MYO15A: variants seen among roughly 807,000 people sequenced by gnomAD.
The protein encoded by MYO15A is myosin XVA, also known as unconventional myosin-XV.
Under a neutral mutation model 394.6 loss-of-function variants are expected in MYO15A, and 308 were observed. That is an observed-to-expected ratio of 0.78 (90% CI 0.71 to 0.86). MYO15A has a LOEUF of 0.86. Among genes scored for constraint, MYO15A ranks in the 40% least tolerant of loss-of-function variants. The pLI, the probability that MYO15A is intolerant of heterozygous loss-of-function variation, is 0.00. For missense variants in MYO15A, 4,606 were observed against 4,799.1 expected (o/e 0.96, Z 1.19); for synonymous variants, 1,957 against 2,003.8 (o/e 0.98, Z 0.62).
At chr17:18,128,884 G>T (rs2046101834) in intron 7 of MYO15A, among the ~76,000 whole-genome samples, 1 of 152,054 alleles carries the variant, frequency 6.6e-6, no homozygotes, top group Admixed American at 6.6e-5. Flanking sequence ...CTGGGAGTTT[G>T]TGTGTGCCAG....
At chr17:18,137,756 C>G in intron 16 of MYO15A, 77 bp downstream of exon 16, 2 of 1,490,004 alleles carry the variant, frequency 1.3e-6, no homozygotes, top group Non-Finnish European at 1.9e-6. Flanking sequence ...TGAGGATATA[C>G]TGGTTGTTTA....
At chr17:18,112,619 G>C (rs1397035454) in intron 1 of MYO15A, among the ~76,000 whole-genome samples, 2 of 152,176 alleles carry the variant, frequency 1.3e-5, no homozygotes, top group South Asian at 2.1e-4. Flanking sequence ...TATTGTCTGG[G>C]CTGGTCTTGA....
Position 18,117,330 on chromosome 17 carries a change from C to T in MYO15A, c.-219-1252C>T, listed in dbSNP as rs114515905. Among the ~76,000 whole-genome samples the T allele has an allele frequency of 0.011, 1,677 of 152,336 alleles. 28 individuals are homozygous for T. The highest frequency in any genetic ancestry group is 0.038 in the African/African-American group (1,593 of 41,570). On this transcript the variant is annotated intron_variant, in intron 1 of 65. Transcript: ENST00000647165. This position sits in a 1 kb window ranked among gnomAD's most constrained non-coding sequence, Gnocchi z 4.1. ...CTTGCTGCATGGTCCCCTCTCTGCT[C>T]CTGCCACTTACCTGGGAAGGCCTCA... is the stretch of plus-strand genomic sequence containing the variant.
intron 16 of MYO15A, 164 bp from the exon 17 acceptor site, chr17:18,137,951 T>G: frequency 9.7e-7 from 1 of 1,031,360 alleles, no homozygotes; most frequent in Non-Finnish European, 1.4e-6. Flanking sequence ...AGCAGGACCC[T>G]GAGTTGGCTC....
intron 1 of MYO15A, among the ~76,000 whole-genome samples, chr17:18,114,850 C>T (rs994493172): frequency 1.3e-5 from 2 of 152,106 alleles, no homozygotes; most frequent in African/African-American, 2.4e-5. Flanking sequence ...TGCAGCCCTG[C>T]GGCTCATTCC....
At chr17:18,152,809 C>G (rs1438922146) in intron 42 of MYO15A, among the ~76,000 whole-genome samples, 1 of 152,178 alleles carries the variant, frequency 6.6e-6, no homozygotes, top group Non-Finnish European at 1.5e-5. Flanking sequence ...CTAGAATGCT[C>G]TTCCCCAAGA....
intron 25 of MYO15A, 132 bp from the exon 26 acceptor site, chr17:18,143,434 C>T (rs2046417312): frequency 3.9e-6 from 4 of 1,031,822 alleles, no homozygotes. Context: ...GTGGGGCAGT[C>T]ACCTCCACAC....
At chr17:18,122,628 G>A (rs759556538) in intron 2 of MYO15A, 5 of 657,284 alleles carry the variant, frequency 7.6e-6, no homozygotes, top group Non-Finnish European at 1.2e-5. Flanking sequence ...GGACAGAGAC[G>A]TGGGAAACTG....
Position 18,141,698 on chromosome 17 carries a change from G to A in MYO15A, c.5577G>A (p.Gly1859=). The A allele has an allele frequency of 6.2e-7, 1 of 1,614,066 alleles. No individual in the cohort carries two copies. Among genetic ancestry groups the A allele is most frequent in the Non-Finnish European group, 8.5e-7 (1 of 1,180,024 alleles). The change falls in exon 23 of 66, where the codon GGG becomes GGA. Residue 1859 remains glycine, a synonymous_variant. Coordinates refer to ENST00000647165, the MANE Select transcript of MYO15A (RefSeq NM_016239.4). Reference sequence around the variant, plus strand: ...TCAAGCATGACCTGCCGGCTAATGGGGACATGTGTGTGTCAGTGCTGAGTC... The same window carrying A: ...TCAAGCATGACCTGCCGGCTAATGGAGACATGTGTGTGTCAGTGCTGAGTC... The part of the protein sequence containing the change: ...VALKHDLPAN[G]DMCVSVLSRL...
chr17:18,165,003 G>GT (rs1310383006), intron 60 of MYO15A: 2 of 151,340 alleles, frequency 1.3e-5, no homozygotes, highest in Non-Finnish European at 2.9e-5. Context: ...GCCAGGCATG[G>GT]TGACGTTTGC....
intron 25 of MYO15A, among the ~76,000 whole-genome samples, chr17:18,143,096 T>G (rs1041594818): frequency 6.6e-6 from 1 of 152,216 alleles, no homozygotes; most frequent in Non-Finnish European, 1.5e-5. Context: ...TCTTCGGGAA[T>G]TGAGGGCCAT....
chr17:18,173,785 T>A lies in MYO15A; in HGVS notation c.10355T>A (p.Leu3452Ter). ...LNFLSTETHE[L>*]MVKFPLKEIQ... is the part of the protein sequence containing the mutation. ...CCCCTCTCCTCCTACTCCCAGGAAT[T>A]GATGGTGAAGTTCCCCCTGAAGGAG... The change falls in exon 65 of 66, where the codon TTG becomes TAG. Residue 3452 changes from leucine (L) to a stop codon, truncating the protein, a stop_gained. Coordinates refer to ENST00000647165, the MANE Select transcript of MYO15A (RefSeq NM_016239.4). LOFTEE classifies it high-confidence loss of function. The A allele has an allele frequency of 6.2e-7, 1 of 1,613,916 alleles. No individual in the cohort carries two copies. Among genetic ancestry groups the A allele is most frequent in the Non-Finnish European group, 8.5e-7 (1 of 1,180,030 alleles).
intron 65 of MYO15A, among the ~76,000 whole-genome samples, chr17:18,174,416 CAGA>C (rs1332260856): frequency 6.6e-6 from 1 of 151,918 alleles, no homozygotes; most frequent in Non-Finnish European, 1.5e-5. Flanking sequence ...CACTTGAGCC[CAGA>C]AGTTTGAGAC....
chr17:18,148,650 C>T lies in MYO15A; in HGVS notation c.6764+82C>T. Reference sequence around the variant, plus strand: ...GGAGGTCAGATCCCCCAGAGGGTCCCATAGGGTCCATTCTGTTCATGTTTA... The same window carrying T: ...GGAGGTCAGATCCCCCAGAGGGTCCTATAGGGTCCATTCTGTTCATGTTTA... On this transcript the variant is annotated intron_variant, in intron 32 of 65. Coordinates refer to ENST00000647165, the MANE Select transcript of MYO15A (RefSeq NM_016239.4). This position sits in a 1 kb window ranked among gnomAD's most constrained non-coding sequence, Gnocchi z 4.8. 6.5e-7 allele frequency: 1 copy of T among 1,546,156 alleles called. No homozygotes were observed. The highest frequency in any genetic ancestry group is 8.7e-7 in the Non-Finnish European group (1 of 1,143,158).
At chr17:18,167,301 T>C (rs1479614035) in intron 61 of MYO15A, among the ~76,000 whole-genome samples, 1 of 152,200 alleles carries the variant, frequency 6.6e-6, no homozygotes, top group Non-Finnish European at 1.5e-5. Context: ...GCAGGCCTGA[T>C]AGATACATGT....
At chr17:18,158,845 T>G in intron 52 of MYO15A, 80 bp from the exon 53 acceptor site, 1 of 1,522,254 alleles carries the variant, frequency 6.6e-7, no homozygotes, top group Non-Finnish European at 9.1e-7. Context: ...ACCCCCTCCC[T>G]GGGGGTTCTT....
chr17:18,120,475 C>G lies in MYO15A; in HGVS notation c.1675C>G (p.Pro559Ala), dbSNP rs1295196641. 2 of 1,575,180 alleles carry G rather than the reference C, an allele frequency of 1.3e-6. No individual in the cohort carries two copies. Among genetic ancestry groups the G allele is most frequent in the Non-Finnish European group, 1.7e-6 (2 of 1,164,284 alleles). Residue 559 changes from proline (P) to alanine (A), a missense_variant, in exon 2 of 66, where the codon CCT becomes GCT. Around this residue, in one of 2 missense-constraint regions of MYO15A, gnomAD observed 1,830 missense variants for 1,689.7 expected, o/e 1.08. Transcript: ENST00000647165. ...CGCCCACCGGGGCCTGGGCTTCGGC[C>G]CTGAGTTTGGCCGCCCCGTGCCTCG... ...FGAHRGLGFG[P>A]EFGRPVPRPA...
chr17:18,172,415 A>C, intron 64 of MYO15A, 125 bp downstream of exon 64: 28 of 1,388,472 alleles, frequency 2.0e-5, no homozygotes, highest in Non-Finnish European at 2.7e-5. Flanking sequence ...TCATGATCTC[A>C]GGCAAGTCTC....
intron 29 of MYO15A, among the ~76,000 whole-genome samples, chr17:18,145,091 T>G (rs1159382757): frequency 6.6e-6 from 1 of 151,990 alleles, no homozygotes; most frequent in African/African-American, 2.4e-5. Flanking sequence ...ATTGGTGTGG[T>G]CAGAACAGAG....
Sources: gnomAD v4.1 joint callset for allele counts (sites outside exome capture counted in the v4.1 genomes callset) on GRCh38, gnomAD v4.1.1 for gene constraint, gnomAD v4.1.1 regional missense constraint, Gnocchi (gnomAD v3.1) non-coding constraint, MANE v1.5 for transcripts, NCBI Gene and HGNC (gene_info 2026-07-23, HGNC 2026-07-21) for gene names.